N4BP2L2: variants seen among roughly 807,000 people sequenced by gnomAD.
N4BP2L2 encodes the protein NEDD4-binding protein 2-like 2.
A neutral mutation model predicts 56.2 loss-of-function variants in N4BP2L2; 50 were observed. That is an observed-to-expected ratio of 0.89 (90% CI 0.71 to 1.13). N4BP2L2 has a LOEUF of 1.13. Among genes scored for constraint, N4BP2L2 ranks in the 50% most tolerant of loss-of-function variants. The pLI is 0.00. For missense variants in N4BP2L2, 689 were observed against 693.8 expected (o/e 0.99, Z 0.08); for synonymous variants, 203 against 223.6 (o/e 0.91, Z 0.82).
At chr13:32,502,707 C>T (rs76092267) in intron 6 of N4BP2L2, among the ~76,000 whole-genome samples, 8,718 of 152,162 alleles carry the variant, frequency 0.057, 847 homozygotes, top group African/African-American at 0.2. Context: ...ACTAAATTAG[C>T]GGTTTCTGTC....
intron 2 of N4BP2L2, among the ~76,000 whole-genome samples, chr13:32,530,602 T>C (rs912046789): frequency 1.3e-5 from 2 of 152,218 alleles, no homozygotes; most frequent in African/African-American, 2.4e-5. Context: ...GCCTATTTTA[T>C]GTCAAACATT....
chr13:32,470,769 A>ACTTAG (rs1418838396), intron 6 of N4BP2L2, among the ~76,000 whole-genome samples: 2 of 152,234 alleles, frequency 1.3e-5, no homozygotes, highest in Non-Finnish European at 2.9e-5. Context: ...ACAGCGGAGT[A>ACTTAG]TGCTGAGTAC....
At chr13:32,533,376 C>A (rs1214139864) in intron 2 of N4BP2L2, among the ~76,000 whole-genome samples, 1 of 152,008 alleles carries the variant, frequency 6.6e-6, no homozygotes, top group African/African-American at 2.4e-5. Flanking sequence ...TGAATACTTA[C>A]AATGTTAGAG....
intron 3 of N4BP2L2, chr13:32,522,970 T>A (rs948382852): frequency 6.6e-6 from 1 of 152,230 alleles, no homozygotes; most frequent in African/African-American, 2.4e-5. Flanking sequence ...CTAAAAATCA[T>A]AGTTCAACTG....
intron 6 of N4BP2L2, among the ~76,000 whole-genome samples, chr13:32,469,576 C>A (rs531840581): frequency 1.3e-5 from 2 of 152,280 alleles, no homozygotes; most frequent in African/African-American, 4.8e-5. Context: ...GGCCTAGGGA[C>A]CCCCACCCCC....
Position 32,536,008 on chromosome 13 carries a change from ACAGT to A in N4BP2L2, c.1016_1019del (p.Asp339ValfsTer22), listed in dbSNP as rs2056460681. 1 of 1,613,650 alleles carries A rather than the reference ACAGT, an allele frequency of 6.2e-7. No homozygotes were observed. Among genetic ancestry groups the A allele is most frequent in the African/African-American group, 1.3e-5 (1 of 74,924 alleles). On this transcript the variant is annotated frameshift_variant, in exon 2 of 6. Coordinates refer to ENST00000267068, the Ensembl canonical transcript of N4BP2L2. LOFTEE classifies it high-confidence loss of function. Reference sequence around the variant, plus strand: ...GATGAACACTACTCCTATTCTCACTACAGTCAGTATATTCATTGTTCTGATCAAA... The same window carrying A: ...GATGAACACTACTCCTATTCTCACTACAGTATATTCATTGTTCTGATCAAA...
intron 5 of N4BP2L2, among the ~76,000 whole-genome samples, chr13:32,520,832 T>C (rs1223744215): frequency 6.6e-6 from 1 of 152,220 alleles, no homozygotes; most frequent in Non-Finnish European, 1.5e-5. Context: ...CAGTTCTCCC[T>C]GACTCATTTG....
intron 6 of N4BP2L2, chr13:32,490,235 TAGTA>T (rs1444836308): frequency 1.3e-5 from 2 of 152,206 alleles, no homozygotes; most frequent in Non-Finnish European, 2.9e-5. Flanking sequence ...GCCTGTGACA[TAGTA>T]GGTGCCGTTG....
chr13:32,467,103 T>G (rs1208604019), intron 6 of N4BP2L2, among the ~76,000 whole-genome samples: 2 of 152,156 alleles, frequency 1.3e-5, no homozygotes, highest in Admixed American at 1.3e-4. Context: ...TTCTCATAGA[T>G]CAAAAATAGT....
intron 2 of N4BP2L2, among the ~76,000 whole-genome samples, chr13:32,534,554 A>G (rs1227253018): frequency 1.3e-5 from 2 of 152,174 alleles, no homozygotes; most frequent in Admixed American, 6.5e-5. Context: ...CATCTTCTCT[A>G]CAAAATCCTC....
At chr13:32,446,288 G>A in intron 6 of N4BP2L2, 1 of 1,046,914 alleles carries the variant, frequency 9.6e-7, no homozygotes, top group South Asian at 1.3e-5. Context: ...TTGTGATGGG[G>A]CCTCTATAAA....
exon 6 of N4BP2L2, chr13:32,515,233 A>G (rs2048958131): frequency 6.6e-6 from 1 of 152,284 alleles, no homozygotes; most frequent in African/African-American, 2.4e-5. Context: ...GGAGTACAAG[A>G]CCAGTTTGGG....
At chr13:32,523,698 A>T (rs2140088933) in intron 3 of N4BP2L2, 1 of 152,262 alleles carries the variant, frequency 6.6e-6, no homozygotes, top group African/African-American at 2.4e-5. Context: ...AAAAAAAAAA[A>T]AAAATTAAAA....
At chr13:32,522,530 A>G in intron 3 of N4BP2L2, 2 of 255,764 alleles carry the variant, frequency 7.8e-6, no homozygotes, top group Non-Finnish European at 1.4e-5. Context: ...CTGAACTTAC[A>G]GCTAATAAAG....
At chr13:32,469,922 G>T (rs1350700801) in intron 6 of N4BP2L2, among the ~76,000 whole-genome samples, 1 of 152,194 alleles carries the variant, frequency 6.6e-6, no homozygotes, top group East Asian at 1.9e-4. Flanking sequence ...ACTGGCTGAG[G>T]TGCCTTGCTC....
At chr13:32,468,904 C>T (rs1440536634) in intron 6 of N4BP2L2, among the ~76,000 whole-genome samples, 1 of 152,200 alleles carries the variant, frequency 6.6e-6, no homozygotes, top group African/African-American at 2.4e-5. Flanking sequence ...GGAGAGCCAA[C>T]CTTGTAGCCC....
intron 6 of N4BP2L2, among the ~76,000 whole-genome samples, chr13:32,474,091 A>C (rs969866959): frequency 6.6e-6 from 1 of 152,214 alleles, no homozygotes; most frequent in African/African-American, 2.4e-5. Flanking sequence ...AAATGCCTTT[A>C]TTCTTTAGGA....
At chr13:32,494,081 T>C (rs1391357279) in intron 6 of N4BP2L2, among the ~76,000 whole-genome samples, 1 of 151,974 alleles carries the variant, frequency 6.6e-6, no homozygotes, top group Non-Finnish European at 1.5e-5. Context: ...GAGAACAGCC[T>C]GCTAACATGG....
At chr13:32,447,668 T>TA (rs1401936230) in intron 6 of N4BP2L2, among the ~76,000 whole-genome samples, 21 of 152,058 alleles carry the variant, frequency 1.4e-4, no homozygotes, top group Non-Finnish European at 2.5e-4. Context: ...AATCTGTCAT[T>TA]AAAAAAGAGT....
Sources: allele counts gnomAD v4.1 joint callset (sites outside exome capture counted in the v4.1 genomes callset), GRCh38; gene constraint gnomAD v4.1.1; transcripts MANE v1.5; gene names NCBI Gene and HGNC (gene_info 2026-07-23, HGNC 2026-07-21).